Variants in SCHIP1 observed in about 807,000 individuals in gnomAD.
SCHIP1 encodes schwannomin interacting protein 1.
SCHIP1 carries 8 observed loss-of-function variants against 29.7 expected under a neutral mutation model. The observed-to-expected ratio is 0.27, with a 90% CI of 0.16 to 0.49. The LOEUF is 0.49. SCHIP1 is among the 20% of genes least tolerant of loss of function. The probability of loss-of-function intolerance (pLI) is 0.99; values close to 1 mark genes in which losing one functional copy is unlikely to be tolerated. For synonymous variants in SCHIP1, 76 were observed against 94.9 expected (o/e 0.80, Z 1.16); for missense variants, 193 against 294.6 (o/e 0.66, Z 2.52).
At chr3:159,296,641 G>C in the SCHIP1 span, among the ~76,000 whole-genome samples, 1 of 152,184 alleles carries the variant, frequency 6.6e-6, no homozygotes, top group African/African-American at 2.4e-5. Flanking sequence ...TGGGCATGGT[G>C]GGGGGATACC....
At chr3:159,296,965 C>A in the SCHIP1 span, among the ~76,000 whole-genome samples, 1 of 152,114 alleles carries the variant, frequency 6.6e-6, no homozygotes, top group East Asian at 1.9e-4. Context: ...GTTCTACTGT[C>A]TACTTCTATG....
the SCHIP1 span, among the ~76,000 whole-genome samples, chr3:159,457,706 G>C: frequency 6.6e-6 from 1 of 152,198 alleles, no homozygotes; most frequent in South Asian, 2.1e-4. Context: ...CCCAGTGGCT[G>C]ACTGAAGCTG....
chr3:159,892,294 T>C (rs1367807929), intron 6 of SCHIP1, 104 bp downstream of exon 7: 4 of 1,330,650 alleles, frequency 3.0e-6, no homozygotes, highest in Non-Finnish European at 3.2e-6. Flanking sequence ...TCTACTTCCA[T>C]AAATAACTCA....
chr3:159,626,224 ATATATCTAGATATATCTATC>A, the SCHIP1 span, among the ~76,000 whole-genome samples: 1 of 115,270 alleles, frequency 8.7e-6, no homozygotes, highest in African/African-American at 5.7e-5. Flanking sequence ...CTAGATATAT[ATATATCTAGATATATCTATC>A]TATCTATATA....
At chr3:159,848,122 T>TTAA (rs1197875852) in intron 1 of SCHIP1, among the ~76,000 whole-genome samples, 1 of 152,190 alleles carries the variant, frequency 6.6e-6, no homozygotes, top group East Asian at 1.9e-4. Flanking sequence ...TTAAAAGCAT[T>TTAA]AACTCACGTG....
the SCHIP1 span, among the ~76,000 whole-genome samples, chr3:159,794,063 A>G: frequency 2.7e-4 from 41 of 152,240 alleles, 1 homozygote; most frequent in African/African-American, 6.7e-4. Context: ...CATCACATCT[A>G]TGGAGTCCCT....
the SCHIP1 span, among the ~76,000 whole-genome samples, chr3:159,495,927 C>T: frequency 6.6e-6 from 1 of 152,150 alleles, no homozygotes; most frequent in Non-Finnish European, 1.5e-5. Flanking sequence ...TGGAATACAA[C>T]AGAGCCCTCA....
At chr3:159,856,065 C>G (rs551408706) in intron 1 of SCHIP1, among the ~76,000 whole-genome samples, 1 of 152,106 alleles carries the variant, frequency 6.6e-6, no homozygotes, top group African/African-American at 2.4e-5. Flanking sequence ...TAGCAGAATC[C>G]GAGGTGTATG....
At chr3:159,865,003 G>C (rs1160731454) in intron 1 of SCHIP1, among the ~76,000 whole-genome samples, 1 of 152,128 alleles carries the variant, frequency 6.6e-6, no homozygotes, top group Non-Finnish European at 1.5e-5. Flanking sequence ...CTTCACTTGG[G>C]AATGAAATTA....
At chr3:159,684,392 G>T in the SCHIP1 span, among the ~76,000 whole-genome samples, 19 of 152,098 alleles carry the variant, frequency 1.2e-4, no homozygotes, top group Admixed American at 1.2e-3. Flanking sequence ...ACTGTGGCCA[G>T]GTGTAATGTG....
chr3:159,641,016 T>C, the SCHIP1 span, among the ~76,000 whole-genome samples: 1 of 152,188 alleles, frequency 6.6e-6, no homozygotes, highest in African/African-American at 2.4e-5. Flanking sequence ...TTTCATTTAA[T>C]ATCTATGTGA....
the SCHIP1 span, among the ~76,000 whole-genome samples, chr3:159,623,277 A>C: frequency 2.0e-5 from 3 of 152,182 alleles, no homozygotes; most frequent in Non-Finnish European, 4.4e-5. Flanking sequence ...GTGGGGAGAA[A>C]ATTTTTCATA....
intron 1 of SCHIP1, chr3:159,846,085 AT>A (rs1316785049): frequency 1.3e-5 from 2 of 152,146 alleles, no homozygotes; most frequent in Non-Finnish European, 2.9e-5. Flanking sequence ...CATCCAGAGA[AT>A]TTTCCCAAGA....
At chr3:159,367,398 C>CAA in the SCHIP1 span, among the ~76,000 whole-genome samples, 64 of 128,132 alleles carry the variant, frequency 5.0e-4, no homozygotes, top group Non-Finnish European at 8.8e-4. Context: ...AACTCCATCT[C>CAA]AAAAAAAAAA....
the SCHIP1 span, among the ~76,000 whole-genome samples, chr3:159,388,350 G>T: frequency 6.6e-6 from 1 of 152,020 alleles, no homozygotes; most frequent in Non-Finnish European, 1.5e-5. Flanking sequence ...AATTTAAAAT[G>T]CCAAGGAGTA....
chr3:159,432,339 T>TGTGTGA, the SCHIP1 span, among the ~76,000 whole-genome samples: 5 of 69,364 alleles, frequency 7.2e-5, no homozygotes, highest in Non-Finnish European at 9.7e-5. Context: ...TGTGTGTGTG[T>TGTGTGA]GAGAGAGAGA....
chr3:159,520,211 A>C, the SCHIP1 span, among the ~76,000 whole-genome samples: 3 of 152,128 alleles, frequency 2.0e-5, no homozygotes, highest in African/African-American at 7.2e-5. Flanking sequence ...ATAGAACCTG[A>C]CACTGCATGG....
the SCHIP1 span, among the ~76,000 whole-genome samples, chr3:159,683,247 T>A: frequency 6.6e-6 from 1 of 152,032 alleles, no homozygotes; most frequent in Non-Finnish European, 1.5e-5. Context: ...AGATGGGGTT[T>A]CACCATGTTG....
chr3:159,330,244 C>G, the SCHIP1 span, among the ~76,000 whole-genome samples: 1 of 151,994 alleles, frequency 6.6e-6, no homozygotes, highest in Non-Finnish European at 1.5e-5. Context: ...ATCAGTAATT[C>G]TTTTTTCTAT....
Sources: allele counts gnomAD v4.1 joint callset (sites outside exome capture counted in the v4.1 genomes callset), GRCh38; gene constraint gnomAD v4.1.1; transcripts MANE v1.5; gene names NCBI Gene and HGNC (gene_info 2026-07-23, HGNC 2026-07-21).